The following FAM227B variants were observed in gnomAD, a reference collection of about 807,000 sequenced individuals.
FAM227B encodes family with sequence similarity 227 member B, also known as protein FAM227B.
A neutral mutation model predicts 73.8 loss-of-function variants in FAM227B; 88 were observed. The observed-to-expected ratio is 1.19, with a 90% CI of 1.00 to 1.42. FAM227B has a LOEUF of 1.42. FAM227B is among the 40% of genes most tolerant of loss of function. The probability of loss-of-function intolerance (pLI) is 0.00; values close to 1 mark genes in which losing one functional copy is unlikely to be tolerated. For synonymous variants in FAM227B, 210 were observed against 190.5 expected (o/e 1.10, Z -0.84); for missense variants, 632 against 590.9 (o/e 1.07, Z -0.72).
At position 49,530,253 on chromosome 15, in the gene FAM227B, G is replaced by A. The variant is rs141199218; in HGVS notation, c.874+11427C>T. Among the ~76,000 whole-genome samples the A allele has an allele frequency of 1.9e-3, 289 of 151,136 alleles. 2 individuals carry two copies. Among genetic ancestry groups the A allele is most frequent in the African/African-American group, 6.7e-3 (277 of 41,328 alleles). On this transcript the variant is annotated intron_variant, in intron 10 of 15. Transcript: ENST00000299338. ...TCACACAGAATGGTTTTGAAATCCT[G>A]TGGTAAATTCAGTTTGGAATGTTTA... is the stretch of plus-strand genomic sequence containing the variant.
chr15:49,544,812 T>C (rs1319526465), intron 9 of FAM227B, among the ~76,000 whole-genome samples: 2 of 152,174 alleles, frequency 1.3e-5, no homozygotes, highest in South Asian at 2.1e-4. Flanking sequence ...TATTGACATA[T>C]TGATGGTATG....
At chr15:49,605,840 T>C (rs1448421200) in intron 3 of FAM227B, among the ~76,000 whole-genome samples, 1 of 151,922 alleles carries the variant, frequency 6.6e-6, no homozygotes, top group Non-Finnish European at 1.5e-5. Flanking sequence ...GGAGTTTGAG[T>C]CTGAGAGGGA....
At chr15:49,601,749 A>G (rs2077218345) in intron 3 of FAM227B, among the ~76,000 whole-genome samples, 1 of 152,104 alleles carries the variant, frequency 6.6e-6, no homozygotes, top group Admixed American at 6.6e-5. Flanking sequence ...TTTCTAACTA[A>G]CATTTTTGTA....
At chr15:49,558,589 C>G (rs930550944) in intron 9 of FAM227B, among the ~76,000 whole-genome samples, 3 of 152,116 alleles carry the variant, frequency 2.0e-5, no homozygotes, top group African/African-American at 7.2e-5. Flanking sequence ...TGGTTCCCCC[C>G]ACCTAAGTGT....
At chr15:49,611,803 C>T (rs1352894104) in intron 2 of FAM227B, among the ~76,000 whole-genome samples, 1 of 152,184 alleles carries the variant, frequency 6.6e-6, no homozygotes, top group African/African-American at 2.4e-5. Flanking sequence ...ACAACTTTCT[C>T]CTTTTCGCCT....
At position 49,509,225 on chromosome 15, in the gene FAM227B, G is replaced by C. The variant is rs543579551; in HGVS notation, c.875-877C>G. The stretch of plus-strand genomic sequence containing the variant: ...AATGGTTGTGTGTGACCTCTGAATT[G>C]GTTGGTTTGTTTAAAAATCAAAAAG... On this transcript the variant is annotated intron_variant, in intron 10 of 15. Coordinates refer to ENST00000299338, the MANE Select transcript of FAM227B (RefSeq NM_152647.3). Among the ~76,000 whole-genome samples the C allele has an allele frequency of 3.2e-4, 48 of 152,204 alleles. No homozygotes were observed. In the East Asian group the frequency reaches 8.5e-3, roughly 27 times the overall value.
At chr15:49,477,187 T>G (rs2055421864) in intron 11 of FAM227B, among the ~76,000 whole-genome samples, 1 of 152,254 alleles carries the variant, frequency 6.6e-6, no homozygotes, top group African/African-American at 2.4e-5. Context: ...GAGCCAATAT[T>G]TATTTATGCC....
At chr15:49,548,537 T>C (rs1385532639) in intron 9 of FAM227B, among the ~76,000 whole-genome samples, 1 of 152,236 alleles carries the variant, frequency 6.6e-6, no homozygotes, top group Admixed American at 6.5e-5. Context: ...TACTGCCTTG[T>C]AGAATGAGTT....
In FAM227B at chr15:49,617,788, G is replaced by T. The variant is rs190900314; in HGVS notation, c.-72-2545C>A. ...CTCCTTTCATGTTTTGTGTGTGTGT[G>T]TGTGTGTGTGTGTGTGTGACAGAGT... is the stretch of plus-strand genomic sequence containing the variant. On this transcript the variant is annotated intron_variant, in intron 1 of 15. Transcript: ENST00000299338. Among the ~76,000 whole-genome samples the T allele has an allele frequency of 5.0e-3, 758 of 151,486 alleles. 8 individuals are homozygous for T. The highest frequency in any genetic ancestry group is 0.011 in the South Asian group (55 of 4,816).
At chr15:49,526,457 A>C (rs543998485) in intron 10 of FAM227B, among the ~76,000 whole-genome samples, 3 of 152,118 alleles carry the variant, frequency 2.0e-5, no homozygotes, top group African/African-American at 7.2e-5. Context: ...CGAGATCTCA[A>C]ATTAACAACC....
At chr15:49,359,934 T>G (rs1247892957) in intron 13 of FAM227B, among the ~76,000 whole-genome samples, 4 of 150,184 alleles carry the variant, frequency 2.7e-5, no homozygotes, top group South Asian at 2.1e-4. Context: ...TTCATGTCCT[T>G]TGTATGGACA....
chr15:49,482,318 T>A (rs1284985004), intron 11 of FAM227B, among the ~76,000 whole-genome samples: 1 of 152,104 alleles, frequency 6.6e-6, no homozygotes, highest in Non-Finnish European at 1.5e-5. Flanking sequence ...TAAGTTACCA[T>A]TCTTGTGTAA....
At chr15:49,533,327 G>A (rs1026304079) in intron 10 of FAM227B, among the ~76,000 whole-genome samples, 9 of 151,856 alleles carry the variant, frequency 5.9e-5, no homozygotes, top group East Asian at 1.9e-4. Flanking sequence ...TTGTGTGCAT[G>A]TGAGAAAAAT....
At chr15:49,375,177 C>G (rs1236848486) in intron 11 of FAM227B, among the ~76,000 whole-genome samples, 3 of 152,174 alleles carry the variant, frequency 2.0e-5, no homozygotes, top group African/African-American at 7.2e-5. Context: ...AGAGATTATA[C>G]AGTCCAAGTG....
chr15:49,372,243 C>T (rs140230581), intron 11 of FAM227B, among the ~76,000 whole-genome samples: 4,367 of 128,224 alleles, frequency 0.034, 36 homozygotes, highest in Middle Eastern at 0.047. Flanking sequence ...ATAAAATTCA[C>T]TTATAAATAA....
chr15:49,362,377 C>T (rs995030150), intron 13 of FAM227B, among the ~76,000 whole-genome samples: 1 of 152,190 alleles, frequency 6.6e-6, no homozygotes, highest in African/African-American at 2.4e-5. Context: ...TTGTAAGTTT[C>T]CTGAGGCTCC....
At chr15:49,603,396 T>C (rs897935515) in intron 3 of FAM227B, among the ~76,000 whole-genome samples, 2 of 152,162 alleles carry the variant, frequency 1.3e-5, no homozygotes, top group Admixed American at 1.3e-4. Flanking sequence ...TATTTTTGGC[T>C]ACTATACATG....
At chr15:49,483,357 T>A in intron 11 of FAM227B, 4 of 626,736 alleles carry the variant, frequency 6.4e-6, no homozygotes, top group Non-Finnish European at 1.1e-5. Context: ...TCTCCAACTG[T>A]ATAATTTAAT....
intron 10 of FAM227B, among the ~76,000 whole-genome samples, chr15:49,523,236 C>T (rs1038469907): frequency 1.3e-5 from 2 of 152,168 alleles, no homozygotes; most frequent in African/African-American, 2.4e-5. Context: ...TGTGTCCCCA[C>T]CCAAATCTCA....
Sources: gnomAD v4.1 joint callset for allele counts (sites outside exome capture counted in the v4.1 genomes callset) on GRCh38, gnomAD v4.1.1 for gene constraint, MANE v1.5 for transcripts, NCBI Gene and HGNC (gene_info 2026-07-23, HGNC 2026-07-21) for gene names.